The following VTI1A variants were observed in gnomAD, a reference collection of about 807,000 sequenced individuals.
The protein encoded by VTI1A is vesicle transport through interaction with t-SNAREs homolog 1A.
VTI1A carries 22 observed loss-of-function variants against 34.9 expected under a neutral mutation model. The observed-to-expected ratio is 0.63, with a 90% confidence interval of 0.45 to 0.90. The LOEUF is 0.90. Ranked by LOEUF, VTI1A falls within the 40% of genes least tolerant of loss-of-function variation. The pLI, the probability that VTI1A is intolerant of heterozygous loss-of-function variation, is 0.00. For missense variants in VTI1A, 268 were observed against 275.6 expected, an observed-to-expected ratio of 0.97 and a Z score of 0.20; for synonymous variants, 87 against 97.3, an observed-to-expected ratio of 0.89 and a Z score of 0.62.
the VTI1A span, among the ~76,000 whole-genome samples, chr10:112,846,160 G>T: frequency 1.3e-5 from 2 of 152,200 alleles, no homozygotes; most frequent in Non-Finnish European, 2.9e-5. Context: ...CTTCCATCCT[G>T]TTCACCATTT....
intron 3 of VTI1A, among the ~76,000 whole-genome samples, chr10:112,514,134 G>A (rs374427544): frequency 3.9e-5 from 6 of 151,924 alleles, no homozygotes; most frequent in East Asian, 1.9e-4. Context: ...GAAAGCTGTC[G>A]GTCCTGGAAT....
At chr10:112,628,785 T>A (rs1846016797) in intron 5 of VTI1A, among the ~76,000 whole-genome samples, 1 of 152,176 alleles carries the variant, frequency 6.6e-6, no homozygotes. Context: ...TAAAGTCTTT[T>A]AAAATATTAT....
At chr10:112,468,745 G>A (rs555125906) in intron 3 of VTI1A, among the ~76,000 whole-genome samples, 53 of 152,224 alleles carry the variant, frequency 3.5e-4, no homozygotes, top group Non-Finnish European at 6.6e-4. Context: ...TATACTGACT[G>A]GTATTTGTAG....
intron 5 of VTI1A, among the ~76,000 whole-genome samples, chr10:112,572,606 A>G (rs2134368628): frequency 6.6e-6 from 1 of 152,330 alleles, no homozygotes; most frequent in East Asian, 1.9e-4. Context: ...TGGGAGGCTG[A>G]GGCGGGCGGA....
At chr10:112,462,283 C>G (rs1198302770) in intron 2 of VTI1A, among the ~76,000 whole-genome samples, 1 of 152,232 alleles carries the variant, frequency 6.6e-6, no homozygotes, top group Admixed American at 6.5e-5. Context: ...GATCTTTTCT[C>G]CCACTCTGCA....
At chr10:112,572,809 A>G (rs1474744278) in intron 5 of VTI1A, among the ~76,000 whole-genome samples, 1 of 149,980 alleles carries the variant, frequency 6.7e-6, no homozygotes, top group Non-Finnish European at 1.5e-5. Flanking sequence ...ACTACACTCC[A>G]GACTGGGCGA....
chr10:112,479,583 G>C (rs1429139999), intron 3 of VTI1A, among the ~76,000 whole-genome samples: 1 of 152,148 alleles, frequency 6.6e-6, no homozygotes, highest in African/African-American at 2.4e-5. Context: ...TTATTCTTCT[G>C]AGAGCTGCAC....
intron 7 of VTI1A, among the ~76,000 whole-genome samples, chr10:112,707,482 C>T (rs1170493372): frequency 6.6e-6 from 1 of 152,048 alleles, no homozygotes; most frequent in Non-Finnish European, 1.5e-5. Flanking sequence ...TACAGGCACG[C>T]GCCCCCATGC....
At chr10:112,497,309 C>G (rs1272382259) in intron 3 of VTI1A, among the ~76,000 whole-genome samples, 1 of 151,248 alleles carries the variant, frequency 6.6e-6, no homozygotes, top group East Asian at 1.9e-4. Flanking sequence ...CAGAGCTAGA[C>G]TCCGTCTCAA....
intron 7 of VTI1A, among the ~76,000 whole-genome samples, chr10:112,744,332 T>A (rs1407420646): frequency 6.6e-6 from 1 of 152,182 alleles, no homozygotes; most frequent in Admixed American, 6.5e-5. Context: ...AAGTTCTGGC[T>A]AGAAATTTAA....
chr10:112,824,777 C>CATATA, the VTI1A span: 1 of 152,296 alleles, frequency 6.6e-6, no homozygotes, highest in African/African-American at 2.4e-5. Context: ...CACCCTGCTC[C>CATATA]AGACCTCGGT....
chr10:112,447,480 C>A lies in VTI1A; in HGVS notation c.94+13C>A. On this transcript the variant is annotated intron_variant, in intron 1 of 7. Coordinates refer to ENST00000393077, the MANE Select transcript of VTI1A (RefSeq NM_145206.4). Reference sequence around the variant, plus strand: ...CGACTCCCGCCTGGTGAGAGCCTTGCCCGGCTGGACGAGGGTGCTGGGGAG... The same window carrying A: ...CGACTCCCGCCTGGTGAGAGCCTTGACCGGCTGGACGAGGGTGCTGGGGAG... 6.2e-7 allele frequency: 1 copy of A among 1,612,166 alleles called. No homozygotes were observed. The highest frequency in any genetic ancestry group is 8.5e-7 in the Non-Finnish European group (1 of 1,179,424).
rs547971740 is a variant in VTI1A at position 112,605,550 on chromosome 10, C to T, written c.428-62668C>T. ...AGCTCTGTGCACACTGGAGGATCACCGCTCCCTCTCTCCACACCAGGAGTC... is the reference window on the plus strand; with the variant it reads ...AGCTCTGTGCACACTGGAGGATCACTGCTCCCTCTCTCCACACCAGGAGTC... On this transcript the variant is annotated intron_variant, in intron 5 of 7. Transcript: ENST00000393077. Among the ~76,000 whole-genome samples the T allele has an allele frequency of 2.6e-5, 4 of 152,216 alleles. No individual in the cohort carries two copies. In the South Asian group the frequency reaches 8.3e-4, roughly 32 times the overall value.
At chr10:112,447,879 A>G (rs1321469930) in intron 1 of VTI1A, among the ~76,000 whole-genome samples, 1 of 152,198 alleles carries the variant, frequency 6.6e-6, no homozygotes, top group Non-Finnish European at 1.5e-5. Context: ...TTATAATTAT[A>G]TGCGGCAAAA....
At chr10:112,448,694 T>C (rs1847088176) in intron 1 of VTI1A, among the ~76,000 whole-genome samples, 1 of 152,172 alleles carries the variant, frequency 6.6e-6, no homozygotes, top group Non-Finnish European at 1.5e-5. Context: ...GTGGATGTGC[T>C]CATTAATCTG....
intron 3 of VTI1A, among the ~76,000 whole-genome samples, chr10:112,480,576 G>A (rs1564794081): frequency 6.6e-6 from 1 of 152,090 alleles, no homozygotes; most frequent in Non-Finnish European, 1.5e-5. Context: ...AGGAAGTGAG[G>A]GTTTTGAGGA....
In VTI1A at chr10:112,466,251, C is replaced by T. The variant is rs1451603465; in HGVS notation, c.264+1594C>T. Among the ~76,000 whole-genome samples the T allele has an allele frequency of 3.3e-5, 5 of 152,282 alleles. No individual in the cohort carries two copies. In the East Asian group the frequency reaches 9.7e-4, roughly 29 times the overall value. ...TTCTAGGCTACCGTATACCTTTCCA[C>T]TGTAAGACCAACATCAATGGACCTG... On this transcript the variant is annotated intron_variant, in intron 3 of 7. Coordinates refer to ENST00000393077, the MANE Select transcript of VTI1A (RefSeq NM_145206.4).
chr10:112,501,702 A>C (rs903091051), intron 3 of VTI1A, among the ~76,000 whole-genome samples: 2 of 142,800 alleles, frequency 1.4e-5, no homozygotes, highest in African/African-American at 2.6e-5. Flanking sequence ...TTTTACACTA[A>C]AATTTTCATG....
intron 5 of VTI1A, among the ~76,000 whole-genome samples, chr10:112,576,177 C>T (rs567019507): frequency 1.3e-5 from 2 of 152,190 alleles, no homozygotes; most frequent in Non-Finnish European, 2.9e-5. Context: ...ACAGCCACCG[C>T]GCCCGGCTAA....
Sources: gnomAD v4.1 joint callset for allele counts (sites outside exome capture counted in the v4.1 genomes callset) on GRCh38, gnomAD v4.1.1 for gene constraint, MANE v1.5 for transcripts, NCBI Gene and HGNC (gene_info 2026-07-23, HGNC 2026-07-21) for gene names.